NTN4: variants seen among roughly 807,000 people sequenced by gnomAD.
The protein encoded by NTN4 is netrin-4.
A neutral mutation model predicts 73.6 loss-of-function variants in NTN4; 32 were observed. The observed-to-expected ratio is 0.44, with a 90% CI of 0.33 to 0.58. NTN4 has a LOEUF of 0.58. Among genes scored for constraint, NTN4 ranks in the 20% least tolerant of loss-of-function variants. The probability of loss-of-function intolerance (pLI) is 0.04; values close to 1 mark genes in which losing one functional copy is unlikely to be tolerated. For synonymous variants in NTN4, 258 were observed against 287.5 expected, an observed-to-expected ratio of 0.90 and a Z score of 1.04; for missense variants, 654 against 798.3, an observed-to-expected ratio of 0.82 and a Z score of 2.18.
intron 4 of NTN4, among the ~76,000 whole-genome samples, chr12:95,712,402 C>A (rs573821329): frequency 6.6e-6 from 1 of 152,234 alleles, no homozygotes; most frequent in South Asian, 2.1e-4. Flanking sequence ...GGGATCAAGT[C>A]CCCACTATCA....
At chr12:95,678,903 T>C (rs1238297874) in intron 7 of NTN4, among the ~76,000 whole-genome samples, 2 of 152,198 alleles carry the variant, frequency 1.3e-5, no homozygotes, top group Non-Finnish European at 1.5e-5. Context: ...TTAAGAATCA[T>C]TTTAAAAATT....
At position 95,672,663 on chromosome 12, in the gene NTN4, A is replaced by T. The variant is rs1215004754; in HGVS notation, c.1511-2517T>A. On this transcript the variant is annotated intron_variant, in intron 7 of 9. Transcript: ENST00000343702. ...GTGAAGATCTGGAGGTGCTCCTATGATGTCCCACCACCCTGCTGGAGCCTG... is the reference window on the plus strand; with the variant it reads ...GTGAAGATCTGGAGGTGCTCCTATGTTGTCCCACCACCCTGCTGGAGCCTG... 2.0e-5 allele frequency: 30 copies of T among 1,484,850 alleles called. 1 individual carries two copies. In the South Asian group the frequency reaches 3.4e-4, roughly 17 times the overall value. The allele number at this position is 1,484,850 out of a possible 1,614,324, so 92.0% of individuals were successfully genotyped here. A position where few individuals can be genotyped will look rare whatever the true frequency, so the allele number is the denominator to read the frequency against.
intron 2 of NTN4, among the ~76,000 whole-genome samples, chr12:95,779,287 T>C (rs2079116023): frequency 6.6e-6 from 1 of 152,186 alleles, no homozygotes; most frequent in African/African-American, 2.4e-5. Flanking sequence ...CTATTCAACA[T>C]AGTGTTGGAA....
chr12:95,787,455 T>C lies in NTN4; in HGVS notation c.69A>G (p.Val23=). 6.2e-7 allele frequency: 1 copy of C among 1,613,924 alleles called. No homozygotes were observed. The highest frequency in any genetic ancestry group is 8.5e-7 in the Non-Finnish European group (1 of 1,179,950). Residue 23 remains valine, a synonymous_variant, in exon 2 of 10, where the codon GTA becomes GTG. Transcript: ENST00000343702. ...CTVVAAGLSG[V]AGVSSRCEKA... ...TTTCACAGCGGGAACTCACTCCAGC[T>C]ACTCCACTCAGTCCTAAGAAAGGGA...
chr12:95,661,175 A>C (rs2078135299), intron 9 of NTN4, among the ~76,000 whole-genome samples: 1 of 152,224 alleles, frequency 6.6e-6, no homozygotes, highest in Non-Finnish European at 1.5e-5. Flanking sequence ...TGTCATCTTT[A>C]GAGGTAGCTG....
At chr12:95,720,446 T>C (rs1213482891) in intron 3 of NTN4, among the ~76,000 whole-genome samples, 1 of 152,208 alleles carries the variant, frequency 6.6e-6, no homozygotes, top group Non-Finnish European at 1.5e-5. Flanking sequence ...CTCTACTAGA[T>C]TGTAAGACCT....
intron 2 of NTN4, among the ~76,000 whole-genome samples, chr12:95,739,166 A>C (rs2078804469): frequency 6.6e-6 from 1 of 152,194 alleles, no homozygotes; most frequent in African/African-American, 2.4e-5. Context: ...TTGGTAAACA[A>C]ATTAATTAAT....
Position 95,770,522 on chromosome 12 carries a change from G to T in NTN4, c.585+16417C>A, listed in dbSNP as rs578064095. Among the ~76,000 whole-genome samples the T allele has an allele frequency of 1.7e-3, 264 of 152,256 alleles. 3 individuals are homozygous for T. Among genetic ancestry groups the T allele is most frequent in the Non-Finnish European group, 1.9e-3 (126 of 68,020 alleles). ...TTTGGAGGTGGTGGTGGGATCAGGGGCTATTTACTGGGACACAGAATATGA... is the reference window on the plus strand; with the variant it reads ...TTTGGAGGTGGTGGTGGGATCAGGGTCTATTTACTGGGACACAGAATATGA... On this transcript the variant is annotated intron_variant, in intron 2 of 9. Coordinates refer to ENST00000343702, the MANE Select transcript of NTN4 (RefSeq NM_021229.4).
Position 95,659,050 on chromosome 12 carries a change from A to C in NTN4, c.*36T>G. Reference sequence around the variant, plus strand: ...TTGCTCTAAAGTTTGTGTTTTGTACATAGACAAGTGCCATTATGTGCTATC... The same window carrying C: ...TTGCTCTAAAGTTTGTGTTTTGTACCTAGACAAGTGCCATTATGTGCTATC... On this transcript the variant is annotated 3_prime_UTR_variant, in exon 10 of 10. Coordinates refer to ENST00000343702, the MANE Select transcript of NTN4 (RefSeq NM_021229.4). The C allele has an allele frequency of 3.8e-6, 6 of 1,573,882 alleles. No individual in the cohort carries two copies. The highest frequency in any genetic ancestry group is 4.3e-6 in the Non-Finnish European group (5 of 1,165,008).
At chr12:95,672,428 G>T in intron 7 of NTN4, 1 of 1,277,466 alleles carries the variant, frequency 7.8e-7, no homozygotes, top group South Asian at 1.2e-5. Flanking sequence ...AGCGCAGGCG[G>T]GCAGGCGCTG....
chr12:95,787,537 A>G (rs1053995947), intron 1 of NTN4, 69 bp from the exon 2 acceptor site: 20 of 1,482,324 alleles, frequency 1.3e-5, no homozygotes, highest in Middle Eastern at 4.9e-4. Context: ...CACCTAGTCC[A>G]TCAACAACAG....
At chr12:95,660,879 A>G (rs1257403730) in intron 9 of NTN4, among the ~76,000 whole-genome samples, 1 of 152,234 alleles carries the variant, frequency 6.6e-6, no homozygotes, top group Non-Finnish European at 1.5e-5. Context: ...GAACACCTGT[A>G]ACAACCATAC....
intron 2 of NTN4, among the ~76,000 whole-genome samples, chr12:95,739,138 T>TCC (rs1229302986): frequency 2.6e-5 from 4 of 152,230 alleles, no homozygotes; most frequent in Non-Finnish European, 4.4e-5. Context: ...TGGCACATAG[T>TCC]AAGTATTCAA....
At chr12:95,729,852 C>T (rs1217038239) in intron 3 of NTN4, among the ~76,000 whole-genome samples, 1 of 152,060 alleles carries the variant, frequency 6.6e-6, no homozygotes, top group Admixed American at 6.5e-5. Context: ...ATTTGTGCAC[C>T]AGAAGTCAGA....
At chr12:95,665,126 G>A (rs973282326) in intron 9 of NTN4, among the ~76,000 whole-genome samples, 2 of 152,120 alleles carry the variant, frequency 1.3e-5, no homozygotes, top group Non-Finnish European at 2.9e-5. Context: ...GGGAGACAGA[G>A]AAATAAGCAG....
chr12:95,790,931 G>A (rs868224550), upstream of NTN4, among the ~76,000 whole-genome samples: 1 of 149,002 alleles, frequency 6.7e-6, no homozygotes, highest in Non-Finnish European at 1.5e-5. This position sits in a 1 kb window ranked among gnomAD's most constrained non-coding sequence, Gnocchi z 6.5. Context: ...TGCCGCCCGG[G>A]GGGGGGGTCC....
intron 5 of NTN4, among the ~76,000 whole-genome samples, chr12:95,692,546 G>A (rs2078409164): frequency 6.6e-6 from 1 of 152,176 alleles, no homozygotes; most frequent in Non-Finnish European, 1.5e-5. Flanking sequence ...GTGAAGCAGG[G>A]CCCCTGCAGC....
chr12:95,673,871 C>CACTG (rs1238375015), intron 7 of NTN4: 6 of 152,256 alleles, frequency 3.9e-5, no homozygotes, highest in Non-Finnish European at 7.3e-5. Context: ...GTGTGTCTTT[C>CACTG]ACTGACTGAT....
intron 2 of NTN4, among the ~76,000 whole-genome samples, chr12:95,743,677 A>G (rs537922314): frequency 1.3e-5 from 2 of 152,150 alleles, no homozygotes; most frequent in Admixed American, 6.5e-5. Context: ...TTCTAACTTA[A>G]TTTCATTGTG....
Sources: gnomAD v4.1 joint callset for allele counts (sites outside exome capture counted in the v4.1 genomes callset) on GRCh38, gnomAD v4.1.1 for gene constraint, Gnocchi (gnomAD v3.1) non-coding constraint, MANE v1.5 for transcripts, NCBI Gene and HGNC (gene_info 2026-07-23, HGNC 2026-07-21) for gene names.